PIK3C2G: variants seen among roughly 807,000 people sequenced by gnomAD.
PIK3C2G encodes the protein phosphatidylinositol-4-phosphate 3-kinase catalytic subunit type 2 gamma, also known as phosphatidylinositol 3-kinase C2 domain-containing subunit gamma.
PIK3C2G carries 168 observed loss-of-function variants against 181.1 expected under a neutral mutation model. That is an observed-to-expected ratio of 0.93 (90% CI 0.82 to 1.05). The LOEUF is 1.05. Among genes scored for constraint, PIK3C2G ranks in the 50% least tolerant of loss-of-function variants. The probability of loss-of-function intolerance (pLI) is 0.00; values close to 1 mark genes in which losing one functional copy is unlikely to be tolerated. For synonymous variants in PIK3C2G, 573 were observed against 592.2 expected, an observed-to-expected ratio of 0.97 and a Z score of 0.47; for missense variants, 1,869 against 1,732.8, an observed-to-expected ratio of 1.08 and a Z score of -1.40.
chr12:18,519,434 C>T (rs1942769216), intron 24 of PIK3C2G, among the ~76,000 whole-genome samples: 1 of 152,156 alleles, frequency 6.6e-6, no homozygotes, highest in Non-Finnish European at 1.5e-5. Context: ...GAATAGTTAG[C>T]TCTTCTTGTT....
At chr12:18,480,281 G>A (rs944144140) in intron 18 of PIK3C2G, among the ~76,000 whole-genome samples, 5 of 152,098 alleles carry the variant, frequency 3.3e-5, no homozygotes, top group African/African-American at 1.2e-4. Flanking sequence ...GCTATTCACA[G>A]CAGAGTGCTT....
intron 24 of PIK3C2G, among the ~76,000 whole-genome samples, chr12:18,514,888 T>C (rs1170576642): frequency 6.6e-6 from 1 of 151,972 alleles, no homozygotes; most frequent in Non-Finnish European, 1.5e-5. Flanking sequence ...GTTTGTCATA[T>C]ATTGACTTTA....
At chr12:18,246,962 T>A (rs1347495402), upstream of PIK3C2G, among the ~76,000 whole-genome samples, 1 of 152,278 alleles carries the variant, frequency 6.6e-6, no homozygotes, top group South Asian at 2.1e-4. Context: ...TTTGAGATAG[T>A]CTTATAATTT....
the PIK3C2G span, chr12:18,701,863 C>T: frequency 2.0e-6 from 3 of 1,516,462 alleles, no homozygotes; most frequent in Non-Finnish European, 2.6e-6. Flanking sequence ...CACTATATTT[C>T]CAATTAGCCT....
intron 32 of PIK3C2G, among the ~76,000 whole-genome samples, chr12:18,643,412 G>T (rs561386952): frequency 1.3e-5 from 2 of 152,134 alleles, no homozygotes; most frequent in South Asian, 4.2e-4. Context: ...ATTTGAAGTA[G>T]TGTGTGTATA....
intron 26 of PIK3C2G, among the ~76,000 whole-genome samples, chr12:18,556,415 CAT>C (rs1320988920): frequency 6.6e-6 from 1 of 152,096 alleles, no homozygotes; most frequent in African/African-American, 2.4e-5. Context: ...ATGGGCTGAC[CAT>C]AAAGTCTCAC....
chr12:18,714,251 T>G, the PIK3C2G span, among the ~76,000 whole-genome samples: 1 of 152,218 alleles, frequency 6.6e-6, no homozygotes, highest in African/African-American at 2.4e-5. Flanking sequence ...AAGAGTTGCA[T>G]AGTTGTTCCT....
chr12:18,664,235 A>G, the PIK3C2G span, among the ~76,000 whole-genome samples: 1 of 152,230 alleles, frequency 6.6e-6, no homozygotes, highest in Non-Finnish European at 1.5e-5. Flanking sequence ...AAACTTAAAC[A>G]TAGATTTACC....
At chr12:18,517,561 G>A (rs1942632587) in intron 24 of PIK3C2G, among the ~76,000 whole-genome samples, 1 of 152,110 alleles carries the variant, frequency 6.6e-6, no homozygotes, top group Non-Finnish European at 1.5e-5. Flanking sequence ...AGGAGTGCCT[G>A]TGATTTTTGC....
chr12:18,680,367 A>C, the PIK3C2G span, among the ~76,000 whole-genome samples: 3 of 151,882 alleles, frequency 2.0e-5, no homozygotes, highest in Admixed American at 2.0e-4. Context: ...CCCTCAAGAC[A>C]CTCCCTTATA....
intron 13 of PIK3C2G, among the ~76,000 whole-genome samples, chr12:18,380,402 T>A (rs1004832400): frequency 6.6e-6 from 1 of 152,234 alleles, no homozygotes; most frequent in South Asian, 2.1e-4. Context: ...GCATTGGACA[T>A]GTTTCTTCCT....
intron 1 of PIK3C2G, among the ~76,000 whole-genome samples, chr12:18,271,884 T>C (rs1948760651): frequency 6.6e-6 from 1 of 152,174 alleles, no homozygotes. Context: ...CCTAATACTC[T>C]TTAAATTGAT....
the PIK3C2G span, among the ~76,000 whole-genome samples, chr12:18,685,846 G>GCACACA: frequency 9.2e-6 from 1 of 109,252 alleles, no homozygotes; most frequent in African/African-American, 3.5e-5. Flanking sequence ...ACACACACGC[G>GCACACA]CACACACACA....
At chr12:18,354,816 C>T (rs1018112666) in intron 11 of PIK3C2G, among the ~76,000 whole-genome samples, 2 of 152,186 alleles carry the variant, frequency 1.3e-5, no homozygotes, top group African/African-American at 4.8e-5. Context: ...ATAGGTATCC[C>T]TCATTTCCCT....
At position 18,388,253 on chromosome 12, in the gene PIK3C2G, T is replaced by C. The variant is rs10161073; in HGVS notation, c.1996-2869T>C. On this transcript the variant is annotated intron_variant, in intron 14 of 32. Transcript: ENST00000538779. ...CTGCAATAGAACTCATGGTCTAACA[T>C]ACGTATGTCTTTTCTTTTCTTTTTT... Among the ~76,000 whole-genome samples the C allele has an allele frequency of 2.8e-3, 427 of 152,212 alleles. 1 individual carries two copies. Among genetic ancestry groups the C allele is most frequent in the African/African-American group, 9.5e-3 (395 of 41,540 alleles).
At chr12:18,256,265 G>A (rs1486606663) in intron 1 of PIK3C2G, among the ~76,000 whole-genome samples, 1 of 151,882 alleles carries the variant, frequency 6.6e-6, no homozygotes, top group Non-Finnish European at 1.5e-5. Context: ...GCAATTCTCT[G>A]AAAACCTTAG....
intron 24 of PIK3C2G, among the ~76,000 whole-genome samples, chr12:18,511,911 T>G (rs2136144686): frequency 6.6e-6 from 1 of 152,200 alleles, no homozygotes; most frequent in African/African-American, 2.4e-5. Flanking sequence ...CATGGAGATT[T>G]CCCCTTATGT....
chr12:18,710,517 C>T, the PIK3C2G span, among the ~76,000 whole-genome samples: 5 of 151,820 alleles, frequency 3.3e-5, no homozygotes, highest in African/African-American at 1.2e-4. Flanking sequence ...TGAGTGAGGC[C>T]GAAGGCTTTG....
intron 1 of PIK3C2G, among the ~76,000 whole-genome samples, chr12:18,264,485 T>G (rs934341609): frequency 1.3e-5 from 2 of 152,204 alleles, no homozygotes; most frequent in Non-Finnish European, 2.9e-5. Context: ...GAACACATTT[T>G]TACTTTGTTC....
Sources: allele counts gnomAD v4.1 joint callset (sites outside exome capture counted in the v4.1 genomes callset), GRCh38; gene constraint gnomAD v4.1.1; transcripts MANE v1.5; gene names NCBI Gene and HGNC (gene_info 2026-07-23, HGNC 2026-07-21).